PHF24: variants seen among roughly 807,000 people sequenced by gnomAD.
PHF24 encodes the protein Galpha inhibitory interacting protein.
A neutral mutation model predicts 42.6 loss-of-function variants in PHF24; 25 were observed. That is an observed-to-expected ratio of 0.59 (90% CI 0.43 to 0.82). PHF24 has a LOEUF of 0.82. PHF24 is among the 40% of genes least tolerant of loss of function. The pLI is 0.00. For missense variants in PHF24, 470 were observed against 538.1 expected (o/e 0.87, Z 1.25); for synonymous variants, 185 against 204.8 (o/e 0.90, Z 0.83).
the PHF24 span, chr9:34,723,245 C>A: frequency 6.4e-7 from 1 of 1,551,478 alleles, no homozygotes; most frequent in Non-Finnish European, 8.7e-7. Context: ...GGTTGGGTGC[C>A]CTGGTTTGTT....
At chr9:34,716,137 T>A in the PHF24 span, among the ~76,000 whole-genome samples, 1 of 152,100 alleles carries the variant, frequency 6.6e-6, no homozygotes, top group Non-Finnish European at 1.5e-5. Flanking sequence ...TAAGATGCCC[T>A]GTGGACTGTG....
the PHF24 span, among the ~76,000 whole-genome samples, chr9:34,816,677 G>A: frequency 1.3e-5 from 2 of 152,270 alleles, no homozygotes; most frequent in African/African-American, 4.8e-5. Flanking sequence ...GCCTCCCAAA[G>A]TCTCCACCTC....
the PHF24 span, among the ~76,000 whole-genome samples, chr9:34,762,201 G>A: frequency 6.6e-6 from 1 of 151,840 alleles, no homozygotes; most frequent in Non-Finnish European, 1.5e-5. Flanking sequence ...TAGTCATTTG[G>A]GTATATACCC....
the PHF24 span, among the ~76,000 whole-genome samples, chr9:34,682,804 G>T: frequency 2.0e-5 from 3 of 152,226 alleles, no homozygotes; most frequent in Non-Finnish European, 4.4e-5. Context: ...GTGAAGGAGT[G>T]GGGTTATTAG....
chr9:34,946,933 G>T, the PHF24 span, among the ~76,000 whole-genome samples: 1 of 152,278 alleles, frequency 6.6e-6, no homozygotes, highest in East Asian at 1.9e-4. Flanking sequence ...AAGAAAAAAG[G>T]GTGGTTCAGT....
At chr9:34,721,399 T>TTCTCTC in the PHF24 span, among the ~76,000 whole-genome samples, 2,661 of 139,288 alleles carry the variant, frequency 0.019, 41 homozygotes, top group African/African-American at 0.026. Context: ...TGTCTTTCCA[T>TTCTCTC]TCTCTCTCTC....
the PHF24 span, among the ~76,000 whole-genome samples, chr9:34,808,033 C>A: frequency 6.6e-6 from 1 of 152,136 alleles, no homozygotes; most frequent in Non-Finnish European, 1.5e-5. Context: ...AAGATCCTTG[C>A]AAAAACATAT....
the PHF24 span, among the ~76,000 whole-genome samples, chr9:34,947,834 C>T: frequency 5.3e-5 from 8 of 152,140 alleles, no homozygotes; most frequent in Middle Eastern, 3.4e-3. Context: ...GTTGGCTGGG[C>T]GCGGTGGCTC....
At chr9:34,796,423 A>T in the PHF24 span, among the ~76,000 whole-genome samples, 1,796 of 50,190 alleles carry the variant, frequency 0.036, 43 homozygotes, top group East Asian at 0.14. Flanking sequence ...TAAAAAATTT[A>T]AAAAAAAACA....
the PHF24 span, among the ~76,000 whole-genome samples, chr9:34,950,698 A>C: frequency 6.6e-6 from 1 of 152,198 alleles, no homozygotes; most frequent in South Asian, 2.1e-4. Flanking sequence ...CATGTGAATT[A>C]TATTTCGATT....
the PHF24 span, among the ~76,000 whole-genome samples, chr9:34,764,011 C>T: frequency 1.9e-4 from 29 of 151,790 alleles, no homozygotes; most frequent in Admixed American, 5.2e-4. Context: ...TATTGATTTG[C>T]GTATATTGAA....
At chr9:34,772,195 A>T in the PHF24 span, among the ~76,000 whole-genome samples, 5 of 152,254 alleles carry the variant, frequency 3.3e-5, no homozygotes, top group Non-Finnish European at 7.3e-5. Context: ...GGATCAGTCA[A>T]CAACGCCTAA....
At chr9:34,842,830 C>T in the PHF24 span, among the ~76,000 whole-genome samples, 2 of 152,186 alleles carry the variant, frequency 1.3e-5, no homozygotes, top group Non-Finnish European at 2.9e-5. Context: ...TGTACTATTT[C>T]CATTCCTGCC....
chr9:34,824,191 G>T, the PHF24 span, among the ~76,000 whole-genome samples: 1 of 152,226 alleles, frequency 6.6e-6, no homozygotes, highest in Non-Finnish European at 1.5e-5. Flanking sequence ...ACAGAATTTG[G>T]AGTGGGCTGG....
the PHF24 span, among the ~76,000 whole-genome samples, chr9:34,792,718 T>C: frequency 1.3e-5 from 2 of 152,188 alleles, no homozygotes; most frequent in Non-Finnish European, 2.9e-5. Flanking sequence ...CCACACTTTT[T>C]ACATTCATCT....
chr9:34,763,487 G>A, the PHF24 span, among the ~76,000 whole-genome samples: 1 of 152,030 alleles, frequency 6.6e-6, no homozygotes, highest in Non-Finnish European at 1.5e-5. Flanking sequence ...CTCATGATTT[G>A]GCTCTCTGTT....
the PHF24 span, among the ~76,000 whole-genome samples, chr9:34,693,956 G>A: frequency 2.0e-5 from 3 of 151,708 alleles, no homozygotes; most frequent in African/African-American, 7.3e-5. Context: ...CCTAAGTTTT[G>A]TTTATCCAGA....
chr9:34,799,451 T>A, the PHF24 span, among the ~76,000 whole-genome samples: 1 of 152,210 alleles, frequency 6.6e-6, no homozygotes, highest in Non-Finnish European at 1.5e-5. Flanking sequence ...GTTCATGTAT[T>A]TGTTATTATA....
chr9:34,731,461 C>T, the PHF24 span, among the ~76,000 whole-genome samples: 1 of 152,202 alleles, frequency 6.6e-6, no homozygotes, highest in African/African-American at 2.4e-5. Context: ...CTACCTTTCC[C>T]AGCCTCTGGT....
Sources: allele counts gnomAD v4.1 joint callset (sites outside exome capture counted in the v4.1 genomes callset), GRCh38; gene constraint gnomAD v4.1.1; transcripts MANE v1.5; gene names NCBI Gene and HGNC (gene_info 2026-07-23, HGNC 2026-07-21).